SYT16: variants seen among roughly 807,000 people sequenced by gnomAD.
SYT16 encodes the protein synaptotagmin 16, also known as synaptotagmin-16.
Under a neutral mutation model 61.4 loss-of-function variants are expected in SYT16, and 42 were observed. The observed-to-expected ratio is 0.68, with a 90% CI of 0.53 to 0.89. SYT16 has a LOEUF of 0.89. SYT16 is among the 40% of genes least tolerant of loss of function. SYT16 has a pLI of 0.00. For synonymous variants in SYT16, 314 were observed against 302.3 expected, an observed-to-expected ratio of 1.04 and a Z score of -0.40; for missense variants, 804 against 807.3, an observed-to-expected ratio of 1.00 and a Z score of 0.05.
chr14:61,891,238 A>ATG (rs1555353012), intron 1 of SYT16, among the ~76,000 whole-genome samples: 7 of 103,376 alleles, frequency 6.8e-5, no homozygotes, highest in African/African-American at 1.4e-4. Flanking sequence ...GCATACACAC[A>ATG]CGCGCACACA....
At chr14:61,856,083 G>C (rs1464923816) in intron 1 of SYT16, among the ~76,000 whole-genome samples, 6 of 152,258 alleles carry the variant, frequency 3.9e-5, no homozygotes, top group Non-Finnish European at 8.8e-5. Flanking sequence ...GAGTGGAAGG[G>C]AGTGCAGGAG....
At chr14:61,872,802 CTTTCAGGGCAGGGAG>C (rs2047370644) in intron 1 of SYT16, among the ~76,000 whole-genome samples, 1 of 152,210 alleles carries the variant, frequency 6.6e-6, no homozygotes, top group Admixed American at 6.5e-5. Flanking sequence ...GTTTTATTCT[CTTTCAGGGCAGGGAG>C]TTAGCTCTTG....
intron 1 of SYT16, among the ~76,000 whole-genome samples, chr14:61,957,762 T>C (rs936152757): frequency 1.3e-5 from 2 of 151,954 alleles, no homozygotes; most frequent in African/African-American, 4.8e-5. Context: ...TGGCCTCTAG[T>C]TTTATTTTCT....
chr14:62,041,434 T>C (rs2054726379), intron 3 of SYT16, among the ~76,000 whole-genome samples: 1 of 152,232 alleles, frequency 6.6e-6, no homozygotes, highest in Admixed American at 6.5e-5. Context: ...TCACCATTTT[T>C]CTCAGGCTTA....
Position 62,081,166 on chromosome 14 carries a change from G to C in SYT16, c.1326G>C (p.Lys442Asn), listed in dbSNP as rs2056693991. 6.2e-7 allele frequency: 1 copy of C among 1,613,868 alleles called. No homozygotes were observed. The highest frequency in any genetic ancestry group is 1.3e-5 in the African/African-American group (1 of 74,928). Reference protein sequence around the residue: ...AVRFRLYAARKMTRERMMGEK... With the variant: ...AVRFRLYAARNMTRERMMGEK... ...GCTTCCGCCTGTACGCTGCCCGGAA[G>C]ATGACCCGAGAGAGAATGATGGGAG... The change falls in exon 6 of 8, where the codon AAG becomes AAC. Residue 442 changes from lysine to asparagine, a missense_variant. Coordinates refer to ENST00000683842, the MANE Select transcript of SYT16 (RefSeq NM_001367656.1).
chr14:61,927,707 A>G (rs1300669210), intron 1 of SYT16, among the ~76,000 whole-genome samples: 3 of 152,170 alleles, frequency 2.0e-5, no homozygotes, highest in Admixed American at 2.0e-4. Flanking sequence ...TGAGTCTCAC[A>G]CTCAAGTAAG....
chr14:61,856,437 T>G (rs1037201991), intron 1 of SYT16, among the ~76,000 whole-genome samples: 2 of 152,198 alleles, frequency 1.3e-5, no homozygotes, highest in Admixed American at 1.3e-4. Context: ...ATTTAATACA[T>G]ACATACTATT....
intron 1 of SYT16, among the ~76,000 whole-genome samples, chr14:61,906,735 A>T (rs201427537): frequency 7.1e-5 from 7 of 99,262 alleles, no homozygotes; most frequent in South Asian, 4.5e-4. Flanking sequence ...CCATCCATCC[A>T]TCCATCCATC....
intron 1 of SYT16, among the ~76,000 whole-genome samples, chr14:61,956,393 G>T (rs1428077600): frequency 6.6e-6 from 1 of 151,884 alleles, no homozygotes; most frequent in Non-Finnish European, 1.5e-5. Flanking sequence ...GTGTTTAGCA[G>T]CTTTTAAAAC....
chr14:61,884,966 T>C (rs2047844758), intron 1 of SYT16, among the ~76,000 whole-genome samples: 1 of 152,216 alleles, frequency 6.6e-6, no homozygotes, highest in African/African-American at 2.4e-5. Flanking sequence ...TGTGCTCTTT[T>C]GACATGGGGC....
At chr14:61,970,472 C>T (rs1437388713) in intron 2 of SYT16, among the ~76,000 whole-genome samples, 161 bp downstream of exon 2, 3 of 152,226 alleles carry the variant, frequency 2.0e-5, no homozygotes, top group African/African-American at 7.2e-5. Flanking sequence ...CTGACTACCA[C>T]TTCCCATCTT....
At chr14:62,002,767 G>A (rs1049783046) in intron 3 of SYT16, among the ~76,000 whole-genome samples, 4 of 152,086 alleles carry the variant, frequency 2.6e-5, no homozygotes, top group Non-Finnish European at 4.4e-5. Context: ...TTGTATTAGT[G>A]CATTCTCATG....
At chr14:61,978,353 C>A (rs919186722) in intron 2 of SYT16, among the ~76,000 whole-genome samples, 1 of 152,158 alleles carries the variant, frequency 6.6e-6, no homozygotes, top group African/African-American at 2.4e-5. Context: ...GTATTCCACA[C>A]TCCTCAACTG....
intron 1 of SYT16, among the ~76,000 whole-genome samples, chr14:61,882,548 A>G (rs1057466209): frequency 1.3e-5 from 2 of 152,192 alleles, no homozygotes; most frequent in Non-Finnish European, 2.9e-5. Context: ...CAGAGATTAC[A>G]ATTCAAGATG....
At chr14:61,982,362 G>GT (rs1284966415) in intron 2 of SYT16, among the ~76,000 whole-genome samples, 1 of 152,144 alleles carries the variant, frequency 6.6e-6, no homozygotes, top group Non-Finnish European at 1.5e-5. Flanking sequence ...AGAGTTCCAT[G>GT]TGACTGGGGA....
intron 1 of SYT16, among the ~76,000 whole-genome samples, chr14:61,900,338 A>G (rs894066509): frequency 1.3e-5 from 2 of 152,052 alleles, no homozygotes; most frequent in African/African-American, 4.8e-5. Flanking sequence ...TTGTATTTGT[A>G]GTAGAGACGG....
chr14:61,856,739 T>C (rs1209783478), intron 1 of SYT16, among the ~76,000 whole-genome samples: 1 of 152,128 alleles, frequency 6.6e-6, no homozygotes, highest in Admixed American at 6.5e-5. Context: ...GGGCTTGATA[T>C]AGAAATATGG....
At chr14:62,003,750 G>C (rs2053115221) in intron 3 of SYT16, among the ~76,000 whole-genome samples, 3 of 152,050 alleles carry the variant, frequency 2.0e-5, no homozygotes, top group African/African-American at 7.2e-5. Flanking sequence ...GAACATATTG[G>C]TCTTCCATTA....
At chr14:61,918,799 A>G (rs1280418059) in intron 1 of SYT16, among the ~76,000 whole-genome samples, 1 of 152,168 alleles carries the variant, frequency 6.6e-6, no homozygotes, top group African/African-American at 2.4e-5. Flanking sequence ...TACAATGAAT[A>G]TGAATTACTT....
Sources: allele counts gnomAD v4.1 joint callset (sites outside exome capture counted in the v4.1 genomes callset), GRCh38; gene constraint gnomAD v4.1.1; transcripts MANE v1.5; gene names NCBI Gene and HGNC (gene_info 2026-07-23, HGNC 2026-07-21).